SMCHD1: variants seen among roughly 807,000 people sequenced by gnomAD.
The protein encoded by SMCHD1 is structural maintenance of chromosomes flexible hinge domain-containing protein 1.
SMCHD1 carries 78 observed loss-of-function variants against 254.7 expected under a neutral mutation model. That is an observed-to-expected ratio of 0.31 (90% CI 0.26 to 0.37). The LOEUF is 0.37. Among genes scored for constraint, SMCHD1 ranks in the 10% least tolerant of loss-of-function variants. The pLI, the probability that SMCHD1 is intolerant of heterozygous loss-of-function variation, is 1.00. For missense variants in SMCHD1, 1,840 were observed against 2,408.1 expected (o/e 0.76, Z 4.94); for synonymous variants, 766 against 794.9 (o/e 0.96, Z 0.61).
chr18:2,675,323 T>C (rs583811), intron 5 of SMCHD1, among the ~76,000 whole-genome samples: 25,519 of 149,014 alleles, frequency 0.17, 5,468 homozygotes, highest in African/African-American at 0.51. Context: ...GAAGTGCAGT[T>C]GTGCAATCTC....
chr18:2,785,670 A>AAAAAAAG (rs57180698), intron 45 of SMCHD1, among the ~76,000 whole-genome samples: 7,819 of 97,892 alleles, frequency 0.08, 1,611 homozygotes, highest in South Asian at 0.11. Flanking sequence ...AAAAAAAAAA[A>AAAAAAAG]ACAGTTCATT....
Position 2,688,663 on chromosome 18 carries a change from C to T in SMCHD1, c.789C>T (p.His263=), listed in dbSNP as rs374899324. Residue 263 remains histidine (H), a synonymous_variant, in exon 7 of 48, where the codon CAC becomes CAT. Coordinates refer to ENST00000320876, the MANE Select transcript of SMCHD1 (RefSeq NM_015295.3). ...ISKPADSQDV[H]ELVLSKEDFE... ...AACCTGCAGATTCCCAAGATGTTCA[C>T]GAGCTTGTGCTTTCTAAAGAAGATT... 160 of 1,561,176 alleles carry T rather than the reference C, an allele frequency of 1.0e-4. 1 individual carries two copies. The African/African-American group carries it at 1.6e-3, about 15-fold the overall frequency.
chr18:2,756,842 T>A (rs1431315102), intron 34 of SMCHD1, among the ~76,000 whole-genome samples: 1 of 152,230 alleles, frequency 6.6e-6, no homozygotes, highest in African/African-American at 2.4e-5. Flanking sequence ...TTTTCAAATT[T>A]GTTGTTCATA....
chr18:2,802,578 G>A lies in SMCHD1; in HGVS notation c.*26G>A. The A allele has an allele frequency of 6.5e-7, 1 of 1,545,942 alleles. No individual in the cohort carries two copies. Among genetic ancestry groups the A allele is most frequent in the East Asian group, 2.5e-5 (1 of 40,752 alleles). Reference sequence around the variant, plus strand: ...GAGGTGACAGAGAGAAGAGGCCATTGGTCTCAGTAAGAATGCCCTGCTTTC... The same window carrying A: ...GAGGTGACAGAGAGAAGAGGCCATTAGTCTCAGTAAGAATGCCCTGCTTTC... On this transcript the variant is annotated 3_prime_UTR_variant, in exon 48 of 48. Transcript: ENST00000320876.
intron 2 of SMCHD1, 121 bp from the exon 3 acceptor site, chr18:2,666,748 TG>T (rs2073450241): frequency 4.1e-6 from 3 of 725,640 alleles, no homozygotes; most frequent in African/African-American, 1.8e-5. Flanking sequence ...GGTAGATGAT[TG>T]GGGGTTTTTC....
chr18:2,795,186 T>TG (rs1435395761), intron 45 of SMCHD1, among the ~76,000 whole-genome samples: 3 of 152,176 alleles, frequency 2.0e-5, no homozygotes, highest in African/African-American at 7.2e-5. Flanking sequence ...CCCAAGTGGC[T>TG]GGGACTACAG....
chr18:2,746,342 A>G (rs2075453108), intron 29 of SMCHD1, among the ~76,000 whole-genome samples: 1 of 152,214 alleles, frequency 6.6e-6, no homozygotes, highest in South Asian at 2.1e-4. Context: ...ACTACAAGTC[A>G]TTTACTTAAA....
intron 4 of SMCHD1, among the ~76,000 whole-genome samples, chr18:2,673,583 C>T (rs957445057): frequency 7.0e-6 from 1 of 143,816 alleles, no homozygotes; most frequent in Non-Finnish European, 1.5e-5. Flanking sequence ...TTTCCCTTAA[C>T]AGTACATTGT....
intron 28 of SMCHD1, 47 bp downstream of exon 28, chr18:2,740,868 T>C (rs766737078): frequency 4.7e-6 from 5 of 1,060,676 alleles, no homozygotes; most frequent in South Asian, 3.8e-5. Flanking sequence ...TTCATTGTTA[T>C]ATGTGTAACA....
rs150781416 is a variant in SMCHD1, at chr18:2,770,836, G to C, written c.4967-697G>C. Among the ~76,000 whole-genome samples the C allele has an allele frequency of 7.9e-5, 12 of 152,182 alleles. No homozygotes were observed. The South Asian group carries it at 2.5e-3, about 32-fold the overall frequency. On this transcript the variant is annotated intron_variant, in intron 39 of 47. Coordinates refer to ENST00000320876, the MANE Select transcript of SMCHD1 (RefSeq NM_015295.3). ...GGGTTTCACCATGTTGGCCGGGCTG[G>C]TCTCGAACTTCTTACCTCAAGTGAT...
At chr18:2,675,928 T>C (rs2073737728) in intron 5 of SMCHD1, among the ~76,000 whole-genome samples, 1 of 152,248 alleles carries the variant, frequency 6.6e-6, no homozygotes, top group Non-Finnish European at 1.5e-5. Context: ...GTTTTAGTCT[T>C]AGCTTTATGG....
In SMCHD1 at chr18:2,694,637, A is replaced by G. The variant is rs2074248427; in HGVS notation, c.984A>G (p.Gln328=). The stretch of plus-strand genomic sequence containing the variant: ...CTGCTGTGGTTATCACAGGGGTACA[A>G]CCAGAACACATACAGTACTTGAAAA... ...SFTAVVITGV[Q]PEHIQYLKNY... The change falls in exon 8 of 48, where the codon CAA becomes CAG. Residue 328 remains glutamine (Q), a synonymous_variant. Transcript: ENST00000320876. 4 of 1,613,512 alleles carry G rather than the reference A, an allele frequency of 2.5e-6. No individual in the cohort carries two copies. In the East Asian group the frequency reaches 8.9e-5, roughly 36 times the overall value.
chr18:2,746,594 A>G (rs1016204406), intron 29 of SMCHD1, among the ~76,000 whole-genome samples: 2 of 152,148 alleles, frequency 1.3e-5, no homozygotes, highest in Non-Finnish European at 2.9e-5. Context: ...TTTTTTCATA[A>G]TGTCTTATTC....
intron 7 of SMCHD1, among the ~76,000 whole-genome samples, chr18:2,692,080 A>G (rs2074191934): frequency 6.6e-6 from 1 of 152,272 alleles, no homozygotes; most frequent in African/African-American, 2.4e-5. Context: ...ATTTGCATCC[A>G]CAATCCAAAC....
rs2076396338 is a variant in SMCHD1, at chr18:2,803,310, A to T, written c.*758A>T. ...TACTAGAATATGTAGTCTCAGCCTT[A>T]ATTTTACATTTACATTATTTTGTAA... On this transcript the variant is annotated 3_prime_UTR_variant, in exon 48 of 48. Coordinates refer to ENST00000320876, the MANE Select transcript of SMCHD1 (RefSeq NM_015295.3). 6.6e-6 allele frequency: 1 copy of T among 150,662 alleles called. No individual in the cohort carries two copies. Among genetic ancestry groups the T allele is most frequent in the Non-Finnish European group, 1.5e-5 (1 of 67,708 alleles). 9.3% of individuals were successfully genotyped at this position (150,662 alleles called of 1,614,324 possible). A position where few individuals can be genotyped will look rare whatever the true frequency, so the allele number is the denominator to read the frequency against.
intron 1 of SMCHD1, among the ~76,000 whole-genome samples, chr18:2,659,148 C>T (rs910937368): frequency 1.3e-5 from 2 of 152,262 alleles, no homozygotes; most frequent in South Asian, 2.1e-4. Flanking sequence ...GACGGAGTCT[C>T]GCTCTGTTGC....
At chr18:2,714,339 C>T (rs1428233554) in intron 17 of SMCHD1, among the ~76,000 whole-genome samples, 2 of 152,120 alleles carry the variant, frequency 1.3e-5, no homozygotes, top group Admixed American at 1.3e-4. Context: ...TGTTTCCACA[C>T]CTTTACCTTC....
chr18:2,677,863 C>T (rs2073789540), intron 5 of SMCHD1, among the ~76,000 whole-genome samples: 1 of 152,184 alleles, frequency 6.6e-6, no homozygotes, highest in Non-Finnish European at 1.5e-5. Context: ...AAGCGATCCA[C>T]CTGCCTCAGC....
Position 2,802,534 on chromosome 18 carries a change from A to G in SMCHD1, c.6000A>G (p.Ile2000Met), listed in dbSNP as rs2076383035. ...TTCTTTCCCCTTTGACCAGGATTAT[A>G]ACCAAAACAGATGTATGAGAGGTGA... ...RREATRQNRIITKTDV is the reference protein window; with the variant it reads ...RREATRQNRIMTKTDV Residue 2000 changes from isoleucine (I) to methionine (M), a missense_variant, in exon 48 of 48, where the codon ATA becomes ATG. Ile to Met is a conservative substitution (Grantham distance 10, BLOSUM62 1). Around this residue, in one of 9 missense-constraint regions of SMCHD1, gnomAD observed 132 missense variants for 138.2 expected, o/e 0.95. Coordinates refer to ENST00000320876, the MANE Select transcript of SMCHD1 (RefSeq NM_015295.3). 2 of 1,554,426 alleles carry G rather than the reference A, an allele frequency of 1.3e-6. No individual in the cohort carries two copies.
Sources: gnomAD v4.1 joint callset for allele counts (sites outside exome capture counted in the v4.1 genomes callset) on GRCh38, gnomAD v4.1.1 for gene constraint, gnomAD v4.1.1 regional missense constraint, MANE v1.5 for transcripts, NCBI Gene and HGNC (gene_info 2026-07-23, HGNC 2026-07-21) for gene names.